The following CCDC192 variants were observed in gnomAD, a reference collection of about 807,000 sequenced individuals.
CCDC192 encodes coiled-coil domain containing 192.
intron 5 of CCDC192, among the ~76,000 whole-genome samples, chr5:127,863,136 A>G (rs1319534099): frequency 6.6e-6 from 1 of 152,246 alleles, no homozygotes; most frequent in African/African-American, 2.4e-5. Flanking sequence ...AATGAAATTT[A>G]TAATTAAAAG....
At chr5:127,916,834 A>G (rs1024695122) in intron 6 of CCDC192, among the ~76,000 whole-genome samples, 6 of 152,148 alleles carry the variant, frequency 3.9e-5, no homozygotes, top group Admixed American at 2.0e-4. Flanking sequence ...GGACCCTAGG[A>G]TTTTGGAATG....
At chr5:127,932,434 C>T (rs1354777391) in intron 6 of CCDC192, among the ~76,000 whole-genome samples, 1 of 151,878 alleles carries the variant, frequency 6.6e-6, no homozygotes, top group Non-Finnish European at 1.5e-5. Flanking sequence ...GAACTCCCAA[C>T]TTCAGGTGAT....
intron 2 of CCDC192, among the ~76,000 whole-genome samples, chr5:127,711,287 G>A (rs1424405870): frequency 1.3e-5 from 2 of 152,094 alleles, no homozygotes; most frequent in Non-Finnish European, 2.9e-5. Context: ...AATCCCATAA[G>A]CCCTTTAGCT....
chr5:127,746,153 G>C (rs762146285), intron 2 of CCDC192, among the ~76,000 whole-genome samples: 22 of 152,224 alleles, frequency 1.4e-4, no homozygotes, highest in Non-Finnish European at 2.8e-4. Context: ...TGCAGCTGGA[G>C]TGAAGGTGTA....
At chr5:127,783,622 G>T (rs984852521) in intron 3 of CCDC192, among the ~76,000 whole-genome samples, 1 of 152,158 alleles carries the variant, frequency 6.6e-6, no homozygotes, top group African/African-American at 2.4e-5. Flanking sequence ...TTTTGTATAT[G>T]TATCTGTTAA....
intron 6 of CCDC192, among the ~76,000 whole-genome samples, chr5:127,884,342 CAAAA>C (rs778430655): frequency 6.8e-3 from 80 of 11,814 alleles, no homozygotes; most frequent in African/African-American, 0.016. Context: ...GACTCCGTCT[CAAAA>C]AAAAAAAAAA....
chr5:127,799,562 C>A (rs1182561722), intron 5 of CCDC192, among the ~76,000 whole-genome samples: 2 of 152,160 alleles, frequency 1.3e-5, no homozygotes, highest in Non-Finnish European at 2.9e-5. Flanking sequence ...ATGGAAGAAG[C>A]TTTTAGCTCA....
intron 3 of CCDC192, 119 bp downstream of exon 3, chr5:127,754,494 TACACAC>T (rs67832481): frequency 2.2e-4 from 69 of 311,792 alleles, no homozygotes; most frequent in Non-Finnish European, 2.8e-4. Context: ...CACACACACA[TACACAC>T]ACACACACAC....
Position 127,754,264 on chromosome 5 carries a change from A to T in CCDC192, c.115-4A>T, listed in dbSNP as rs1295613895. 3.2e-4 allele frequency: 121 copies of T among 380,724 alleles called. No individual in the cohort carries two copies. The highest frequency in any genetic ancestry group is 7.8e-4 in the East Asian group (21 of 26,782). 23.6% of individuals were successfully genotyped at this position (380,724 alleles called of 1,614,324 possible). On this transcript the variant is annotated splice_polypyrimidine_tract_variant and splice_region_variant and intron_variant, in intron 2 of 6. Coordinates refer to ENST00000514853, the MANE Select transcript of CCDC192 (RefSeq NM_001317938.2). ...AGTAATACTTGATTTTTTTTTTTTT[A>T]AAGAAAGCGTCCCTGGATACTGGAC...
intron 2 of CCDC192, among the ~76,000 whole-genome samples, chr5:127,753,184 T>C (rs531627660): frequency 3.3e-5 from 5 of 152,144 alleles, no homozygotes; most frequent in Admixed American, 1.3e-4. Flanking sequence ...AGCAGGAGTA[T>C]TCACAAGAAA....
intron 2 of CCDC192, among the ~76,000 whole-genome samples, chr5:127,747,327 A>G (rs960308896): frequency 2.6e-5 from 4 of 151,872 alleles, no homozygotes; most frequent in African/African-American, 4.8e-5. Flanking sequence ...TCATTGTTCA[A>G]TTCCCACCTA....
chr5:127,776,893 T>C (rs1369397187), intron 3 of CCDC192, among the ~76,000 whole-genome samples: 1 of 152,164 alleles, frequency 6.6e-6, no homozygotes, highest in Non-Finnish European at 1.5e-5. Flanking sequence ...TCCGCCTAGG[T>C]TTCAGAGGAT....
At chr5:127,783,423 A>C (rs1272175050) in intron 3 of CCDC192, among the ~76,000 whole-genome samples, 5 of 152,154 alleles carry the variant, frequency 3.3e-5, no homozygotes, top group African/African-American at 1.2e-4. Flanking sequence ...ATGTATTTGC[A>C]TGATTTTGAA....
chr5:127,737,236 G>A (rs968823748), intron 2 of CCDC192, among the ~76,000 whole-genome samples: 22 of 151,970 alleles, frequency 1.4e-4, no homozygotes, highest in Non-Finnish European at 2.5e-4. Flanking sequence ...GTAGTTGAGC[G>A]GTTTTTAGTG....
intron 3 of CCDC192, among the ~76,000 whole-genome samples, chr5:127,765,364 A>G (rs545707449): frequency 1.9e-4 from 29 of 152,298 alleles, no homozygotes; most frequent in Non-Finnish European, 3.7e-4. Flanking sequence ...ATTTTTGTTT[A>G]GTTTTGAAAG....
intron 3 of CCDC192, among the ~76,000 whole-genome samples, chr5:127,775,419 A>G (rs1446127600): frequency 6.6e-6 from 1 of 152,170 alleles, no homozygotes; most frequent in Admixed American, 6.5e-5. Context: ...TAAGGAAACC[A>G]CAACAAGGGC....
At chr5:127,820,926 G>A (rs145327563) in intron 5 of CCDC192, among the ~76,000 whole-genome samples, 259 of 152,012 alleles carry the variant, frequency 1.7e-3, no homozygotes, top group African/African-American at 5.3e-3. Flanking sequence ...CATTAAGTTC[G>A]AGATCTCACT....
chr5:127,849,875 A>T (rs184304036), intron 5 of CCDC192, among the ~76,000 whole-genome samples: 422 of 152,222 alleles, frequency 2.8e-3, no homozygotes, highest in African/African-American at 9.6e-3. Flanking sequence ...TCCAAATAAG[A>T]CCTTTCAAGT....
intron 5 of CCDC192, among the ~76,000 whole-genome samples, chr5:127,807,389 T>A (rs1274105143): frequency 6.6e-6 from 1 of 152,144 alleles, no homozygotes; most frequent in Non-Finnish European, 1.5e-5. Context: ...TCGGCACATT[T>A]CTTTCCATGG....
Sources: gnomAD v4.1 joint callset for allele counts (sites outside exome capture counted in the v4.1 genomes callset) on GRCh38, gnomAD v4.1.1 for gene constraint, MANE v1.5 for transcripts, NCBI Gene and HGNC (gene_info 2026-07-23, HGNC 2026-07-21) for gene names.